RORA: variants seen among roughly 807,000 people sequenced by gnomAD.
RORA encodes nuclear receptor ROR-alpha.
In RORA, 7 loss-of-function variants were observed where a neutral mutation model predicts 69.5. That is an observed-to-expected ratio of 0.10 (90% CI 0.06 to 0.19). The LOEUF is 0.19. Among genes scored for constraint, RORA ranks in the 10% least tolerant of loss-of-function variants. The probability of loss-of-function intolerance (pLI) is 1.00; values close to 1 mark genes in which losing one functional copy is unlikely to be tolerated. For synonymous variants in RORA, 261 were observed against 240.8 expected, an observed-to-expected ratio of 1.08 and a Z score of -0.78; for missense variants, 457 against 663.0, an observed-to-expected ratio of 0.69 and a Z score of 3.41.
chr15:60,969,825 G>A (rs781323334), intron 1 of RORA, among the ~76,000 whole-genome samples: 4 of 152,186 alleles, frequency 2.6e-5, no homozygotes, highest in Non-Finnish European at 4.4e-5. Flanking sequence ...TGGGCTGAAT[G>A]TTTGTGTTCC....
chr15:60,853,843 C>T (rs965354742), intron 1 of RORA, among the ~76,000 whole-genome samples: 1 of 152,214 alleles, frequency 6.6e-6, no homozygotes, highest in Non-Finnish European at 1.5e-5. Flanking sequence ...ATTATAAAAT[C>T]TTTTACCATC....
At chr15:60,984,869 G>T (rs1379279533) in intron 1 of RORA, among the ~76,000 whole-genome samples, 1 of 145,330 alleles carries the variant, frequency 6.9e-6, no homozygotes, top group Non-Finnish European at 1.5e-5. Context: ...TTTAACAAAA[G>T]TATTGGTCTG....
At position 60,537,213 on chromosome 15, in the gene RORA, AG is replaced by A. The variant is rs1023340263; in HGVS notation, c.197-5363del. On this transcript the variant is annotated intron_variant, in intron 2 of 10. Coordinates refer to ENST00000335670, the MANE Select transcript of RORA (RefSeq NM_134261.3). The surrounding 1 kb of genome is among the most constrained non-coding windows in gnomAD (Gnocchi z 4.9). Reference sequence around the variant, plus strand: ...TCCCTGGAGGGACTTCAGGAGCACCAGGCTTCTAGAATTTTGTGGCCCCCTT... The same window carrying A: ...TCCCTGGAGGGACTTCAGGAGCACCAGCTTCTAGAATTTTGTGGCCCCCTT... Among the ~76,000 whole-genome samples the A allele has an allele frequency of 1.3e-5, 2 of 152,198 alleles. No individual in the cohort carries two copies. Among genetic ancestry groups the A allele is most frequent in the African/African-American group, 4.8e-5 (2 of 41,460 alleles).
At chr15:60,948,171 A>T (rs1892958581) in intron 1 of RORA, among the ~76,000 whole-genome samples, 1 of 152,140 alleles carries the variant, frequency 6.6e-6, no homozygotes, top group Non-Finnish European at 1.5e-5. Context: ...GGAGCATTTA[A>T]AGTTCTTTCC....
intron 1 of RORA, chr15:61,176,531 T>G (rs936461603): frequency 3.3e-5 from 5 of 152,148 alleles, no homozygotes; most frequent in African/African-American, 1.2e-4. Context: ...AGATTGATCT[T>G]GAACTCCTGG....
intron 1 of RORA, among the ~76,000 whole-genome samples, chr15:60,696,785 G>A (rs1043641314): frequency 7.9e-5 from 12 of 152,182 alleles, no homozygotes; most frequent in Admixed American, 5.2e-4. Context: ...TTAAACCAGT[G>A]TTCTGAAATG....
intron 1 of RORA, among the ~76,000 whole-genome samples, chr15:61,040,297 C>T (rs1372880221): frequency 6.6e-6 from 1 of 151,018 alleles, no homozygotes; most frequent in Non-Finnish European, 1.5e-5. Flanking sequence ...GGTGAAAAAG[C>T]AAAGCAAGAA....
rs768584113 is a variant in RORA at position 60,491,967 on chromosome 15, T to C, written c.*5488A>G. On this transcript the variant is annotated 3_prime_UTR_variant, in exon 11 of 11. Coordinates refer to ENST00000335670, the MANE Select transcript of RORA (RefSeq NM_134261.3). ...GATCTATAATATAAAGTTGTTTTCA[T>C]GGGGTTCTATATCATAACTTTATAA... The C allele has an allele frequency of 1.3e-5, 2 of 151,918 alleles. No individual in the cohort carries two copies. Among genetic ancestry groups the C allele is most frequent in the Non-Finnish European group, 2.9e-5 (2 of 67,980 alleles). The allele number at this position is 151,918 out of a possible 1,614,324, so 9.4% of individuals were successfully genotyped here.
In RORA at chr15:60,966,710, C is replaced by T. The variant is rs116963163; in HGVS notation, c.166+262343G>A. Among the ~76,000 whole-genome samples the T allele has an allele frequency of 9.3e-3, 1,409 of 152,300 alleles. 9 individuals are homozygous for T. Among genetic ancestry groups the T allele is most frequent in the Non-Finnish European group, 0.014 (939 of 68,016 alleles). On this transcript the variant is annotated intron_variant, in intron 1 of 10. Transcript: ENST00000335670. ...AGAATGCTTCTACATTTCTGATAAA[C>T]CTGGTATGTTGTAAATATGTTGCAT... is the stretch of plus-strand genomic sequence containing the variant.
At chr15:61,040,581 T>G (rs1209283365) in intron 1 of RORA, among the ~76,000 whole-genome samples, 1 of 152,138 alleles carries the variant, frequency 6.6e-6, no homozygotes, top group Non-Finnish European at 1.5e-5. Flanking sequence ...GTTTAAATGA[T>G]GACAAGCATG....
intron 1 of RORA, among the ~76,000 whole-genome samples, chr15:60,785,112 A>T (rs561260533): frequency 3.3e-5 from 5 of 152,356 alleles, no homozygotes; most frequent in Admixed American, 3.3e-4. Context: ...GTTTGACAAG[A>T]TAACCTGTAC....
At chr15:60,662,876 C>G (rs79947002) in intron 2 of RORA, among the ~76,000 whole-genome samples, 1 of 152,178 alleles carries the variant, frequency 6.6e-6, no homozygotes, top group Non-Finnish European at 1.5e-5. Flanking sequence ...CCCTCATTCC[C>G]CTGGGGCCCT....
intron 2 of RORA, among the ~76,000 whole-genome samples, chr15:60,637,844 T>C (rs2069868626): frequency 6.6e-6 from 1 of 152,170 alleles, no homozygotes; most frequent in Admixed American, 6.5e-5. Context: ...TCTAAAGTTC[T>C]TTTAACTATT....
At position 61,061,527 on chromosome 15, in the gene RORA, G is replaced by A. The variant is rs1004040433; in HGVS notation, c.166+167526C>T. ...CCAGGATAGACAAACTTCTGACCTC[G>A]CCCCTCATTCTAAAGTGTAATTCCC... is the stretch of plus-strand genomic sequence containing the variant. On this transcript the variant is annotated intron_variant, in intron 1 of 10. Coordinates refer to ENST00000335670, the MANE Select transcript of RORA (RefSeq NM_134261.3). The surrounding 1 kb of genome is among the most constrained non-coding windows in gnomAD (Gnocchi z 4.4). 1.1e-4 allele frequency among the ~76,000 whole-genome samples: 17 copies of A among 152,154 alleles called. No individual in the cohort carries two copies. Among genetic ancestry groups the A allele is most frequent in the African/African-American group, 2.2e-4 (9 of 41,504 alleles).
In RORA at chr15:60,495,993, G is replaced by C. The variant is rs548531738; in HGVS notation, c.*1462C>G. The C allele has an allele frequency of 6.6e-6, 1 of 152,176 alleles. No homozygotes were observed. Among genetic ancestry groups the C allele is most frequent in the East Asian group, 1.9e-4 (1 of 5,180 alleles). The allele number at this position is 152,176 out of a possible 1,614,324, so 9.4% of individuals were successfully genotyped here. ...TTTCCTAGTGAAGATAAATACAAGA[G>C]TAAATGTTTGCAGCTAGCATCAACT... On this transcript the variant is annotated 3_prime_UTR_variant, in exon 11 of 11. Coordinates refer to ENST00000335670, the MANE Select transcript of RORA (RefSeq NM_134261.3).
At position 60,977,115 on chromosome 15, in the gene RORA, G is replaced by GAAAA. The variant is rs5813057; in HGVS notation, c.166+251934_166+251937dup. 2.7e-3 allele frequency among the ~76,000 whole-genome samples: 361 copies of GAAAA among 135,974 alleles called. 1 individual carries two copies. Among genetic ancestry groups the GAAAA allele is most frequent in the African/African-American group, 9.3e-3 (345 of 37,160 alleles). The allele number at this position is 135,974 out of a possible 152,430, so 89.2% of individuals were successfully genotyped here. ...AAGTTGTTTCAAAACTGATTGGAGG[G>GAAAA]AAAAAAAAAAAAAAAACCTATAGCG... On this transcript the variant is annotated intron_variant, in intron 1 of 10. Transcript: ENST00000335670.
At chr15:61,040,113 G>GATATATATATAT (rs60830259) in intron 1 of RORA, among the ~76,000 whole-genome samples, 17 of 46,306 alleles carry the variant, frequency 3.7e-4, no homozygotes, top group African/African-American at 5.8e-4. Context: ...CACAAGCTTT[G>GATATATATATAT]ATATATATAT....
At chr15:60,515,910 TG>T (rs766819395) in intron 3 of RORA, among the ~76,000 whole-genome samples, 2,770 of 85,474 alleles carry the variant, frequency 0.032, 353 homozygotes, top group African/African-American at 0.073. Context: ...TTATATATAT[TG>T]TATTTATATA....
chr15:60,743,016 ATTTTT>A (rs33922947), intron 1 of RORA, among the ~76,000 whole-genome samples: 2 of 105,172 alleles, frequency 1.9e-5, no homozygotes, highest in Non-Finnish European at 3.7e-5. Context: ...CATTCATTCT[ATTTTT>A]TTTTTTTTTT....
Sources: gnomAD v4.1 joint callset for allele counts (sites outside exome capture counted in the v4.1 genomes callset) on GRCh38, gnomAD v4.1.1 for gene constraint, Gnocchi (gnomAD v3.1) non-coding constraint, MANE v1.5 for transcripts, NCBI Gene and HGNC (gene_info 2026-07-23, HGNC 2026-07-21) for gene names.